Variants in LRRC56 observed in about 807,000 individuals in gnomAD.
The protein encoded by LRRC56 is leucine rich repeat containing 56.
A neutral mutation model predicts 47.8 loss-of-function variants in LRRC56; 41 were observed. That is an observed-to-expected ratio of 0.86 (90% confidence interval 0.67 to 1.11). The LOEUF (loss-of-function observed/expected upper bound fraction) is 1.11. LRRC56 is among the 50% of genes most tolerant of loss of function. The pLI is 0.00. For synonymous variants in LRRC56, 387 were observed against 311.2 expected (o/e 1.24, Z -2.56); for missense variants, 759 against 704.2 (o/e 1.08, Z -0.88).
chr11:508,813 G>C, the LRRC56 span, among the ~76,000 whole-genome samples: 3 of 148,386 alleles, frequency 2.0e-5, no homozygotes, highest in Admixed American at 1.3e-4. Context: ...GGAGGCCAAG[G>C]CAGGCAGATC....
rs1564800859 is a variant in LRRC56 at position 544,781 on chromosome 11, G to A, written c.326+1G>A. On this transcript the variant is annotated splice_donor_variant, in intron 6 of 13. Transcript: ENST00000270115. LOFTEE classifies it high-confidence loss of function. ...ACGGCAGCCACCTGGGCTCCCTGAG[G>A]TGAGCGCCTGAGGGGGGTGGGCTGG... is the stretch of plus-strand genomic sequence containing the variant. The A allele has an allele frequency of 6.2e-7, 1 of 1,612,252 alleles. No individual in the cohort carries two copies.
upstream of LRRC56, among the ~76,000 whole-genome samples, chr11:535,731 C>T (rs1198086859): frequency 1.3e-5 from 2 of 152,094 alleles, no homozygotes; most frequent in East Asian, 3.9e-4. Flanking sequence ...GAGGCGGAGC[C>T]AGTAGGGCCG....
upstream of LRRC56, chr11:535,549 C>T (rs1040797159): frequency 6.7e-6 from 1 of 148,534 alleles, no homozygotes; most frequent in African/African-American, 2.4e-5. Flanking sequence ...GGGCGCAGGG[C>T]ACGGGCGGCG....
At chr11:547,442 T>C (rs2134049019) in intron 6 of LRRC56, among the ~76,000 whole-genome samples, 1 of 151,832 alleles carries the variant, frequency 6.6e-6, no homozygotes, top group Non-Finnish European at 1.5e-5. Flanking sequence ...CAATCTCGCC[T>C]CCCGGGTTCA....
At chr11:523,600 C>T in the LRRC56 span, among the ~76,000 whole-genome samples, 1 of 145,032 alleles carries the variant, frequency 6.9e-6, no homozygotes, top group African/African-American at 2.6e-5. Context: ...CACTGCACTC[C>T]AGCCTGGGCA....
chr11:534,348 G>C (rs1184252301), upstream of LRRC56: 2 of 1,584,524 alleles, frequency 1.3e-6, no homozygotes, highest in African/African-American at 2.7e-5. Flanking sequence ...TGCGGCCCGG[G>C]GTCCTCCTAC....
At chr11:545,390 C>G (rs1417423445) in intron 6 of LRRC56, among the ~76,000 whole-genome samples, 1 of 152,338 alleles carries the variant, frequency 6.6e-6, no homozygotes, top group Non-Finnish European at 1.5e-5. Flanking sequence ...CATGAGGCCA[C>G]GAGCTTGGGG....
upstream of LRRC56, chr11:534,413 A>G: frequency 2.0e-6 from 1 of 493,200 alleles, no homozygotes; most frequent in Non-Finnish European, 3.2e-6. Flanking sequence ...GCCCAGGCCC[A>G]GCCCCAGGCC....
chr11:508,574 C>G, the LRRC56 span, among the ~76,000 whole-genome samples: 1 of 152,118 alleles, frequency 6.6e-6, no homozygotes, highest in Non-Finnish European at 1.5e-5. Context: ...CAAGACCAGC[C>G]TGGCCAACGT....
upstream of LRRC56, chr11:535,445 A>AGGGCCG (rs112488103): frequency 2.0e-5 from 3 of 146,660 alleles, no homozygotes; most frequent in Admixed American, 6.8e-5. Context: ...CCCCGGGGCC[A>AGGGCCG]GGGCCGGGGC....
intron 1 of LRRC56, among the ~76,000 whole-genome samples, chr11:538,331 C>T (rs944926225): frequency 5.1e-4 from 77 of 152,166 alleles, no homozygotes; most frequent in Middle Eastern, 3.4e-3. Context: ...CCATGAGGCT[C>T]GAGGCTGGCA....
chr11:510,281 G>C, the LRRC56 span, among the ~76,000 whole-genome samples: 1 of 152,196 alleles, frequency 6.6e-6, no homozygotes, highest in Admixed American at 6.5e-5. Flanking sequence ...ACTTTGGGTG[G>C]AGAGTCCTGT....
chr11:526,098 T>A, the LRRC56 span, among the ~76,000 whole-genome samples: 1 of 151,928 alleles, frequency 6.6e-6, no homozygotes, highest in African/African-American at 2.4e-5. Flanking sequence ...TCCCAGCTAC[T>A]CGGGAGGCTG....
chr11:510,347 A>G, the LRRC56 span, among the ~76,000 whole-genome samples: 1 of 152,158 alleles, frequency 6.6e-6, no homozygotes, highest in Non-Finnish European at 1.5e-5. Flanking sequence ...CACGCCTGTA[A>G]TCCCAGCACG....
At position 541,246 on chromosome 11, in the gene LRRC56, C is replaced by G. The variant is rs961597150; in HGVS notation, c.178-291C>G. 2.0e-5 allele frequency among the ~76,000 whole-genome samples: 3 copies of G among 152,242 alleles called. No individual in the cohort carries two copies. Among genetic ancestry groups the G allele is most frequent in the South Asian group, 2.1e-4 (1 of 4,824 alleles). On this transcript the variant is annotated intron_variant, in intron 4 of 13. Coordinates refer to ENST00000270115, the MANE Select transcript of LRRC56 (RefSeq NM_198075.4). The surrounding 1 kb of genome is among the most constrained non-coding windows in gnomAD (Gnocchi z 4.1). ...GCTCAGGGCAGGGCCCGGCGCGGTC[C>G]GGGCTCTGGGTGCCGGGTGTGGTGT...
the LRRC56 span, among the ~76,000 whole-genome samples, chr11:524,945 A>G: frequency 6.6e-6 from 1 of 150,388 alleles, no homozygotes; most frequent in Admixed American, 6.6e-5. Flanking sequence ...CAAAAACAAA[A>G]ATTAGCTGGG....
Position 554,626 on chromosome 11 carries a change from G to A in LRRC56, c.*350G>A, listed in dbSNP as rs1020187079. ...AGAATTGGGCATGGCCGAGGGGCAG[G>A]GGCTGGAGCTGCGAGTCCACCACTC... On this transcript the variant is annotated 3_prime_UTR_variant, in exon 14 of 14. Coordinates refer to ENST00000270115, the MANE Select transcript of LRRC56 (RefSeq NM_198075.4). 1.5e-4 allele frequency: 61 copies of A among 403,950 alleles called. No individual in the cohort carries two copies. The highest frequency in any genetic ancestry group is 6.2e-4 in the Middle Eastern group (1 of 1,610). 25.0% of individuals were successfully genotyped at this position (403,950 alleles called of 1,614,324 possible). A position where few individuals can be genotyped will look rare whatever the true frequency, so the allele number is the denominator to read the frequency against.
Position 541,844 on chromosome 11 carries a change from A to G in LRRC56, c.265+220A>G, listed in dbSNP as rs1168498179. On this transcript the variant is annotated intron_variant, in intron 5 of 13. Transcript: ENST00000270115. The surrounding 1 kb of genome is among the most constrained non-coding windows in gnomAD (Gnocchi z 4.1). ...CACCAGTACCCCCAGCACGCTCAGT[A>G]CCCCACACACCCACACCAGTACCCC... Among the ~76,000 whole-genome samples, 17 of 136,698 alleles carry G rather than the reference A, an allele frequency of 1.2e-4. No individual in the cohort carries two copies. Among genetic ancestry groups the G allele is most frequent in the South Asian group, 2.4e-4 (1 of 4,152 alleles). 89.7% of individuals were successfully genotyped at this position (136,698 alleles called of 152,430 possible).
rs555652106 is a variant in LRRC56, at chr11:551,237, G to C, written c.731G>C (p.Arg244Pro). 8 of 1,545,244 alleles carry C rather than the reference G, an allele frequency of 5.2e-6. No individual in the cohort carries two copies. In the Admixed American group the frequency reaches 1.6e-4, roughly 30 times the overall value. ...AAHTGPPAPPRLSQDWLAVKE... is the reference protein window; with the variant it reads ...AAHTGPPAPPPLSQDWLAVKE... ...CACACAGGCCCACCGGCCCCCCCGCGGCTGAGCCAGGACTGGCTTGCGGTG... is the reference window on the plus strand; with the variant it reads ...CACACAGGCCCACCGGCCCCCCCGCCGCTGAGCCAGGACTGGCTTGCGGTG... Residue 244 changes from arginine to proline, a missense_variant, in exon 9 of 14, where the codon CGG (arginine) becomes CCG (proline). Physicochemically the swap from Arg to Pro is moderately radical, Grantham distance 103. Transcript: ENST00000270115.
Sources: gnomAD v4.1 joint callset for allele counts (sites outside exome capture counted in the v4.1 genomes callset) on GRCh38, gnomAD v4.1.1 for gene constraint, Gnocchi (gnomAD v3.1) non-coding constraint, MANE v1.5 for transcripts, NCBI Gene and HGNC (gene_info 2026-07-23, HGNC 2026-07-21) for gene names.